Variants in PLD1 observed in about 807,000 individuals in gnomAD.
The protein encoded by PLD1 is choline phosphatase 1.
PLD1 carries 112 observed loss-of-function variants against 137.1 expected under a neutral mutation model. That is an observed-to-expected ratio of 0.82 (90% CI 0.70 to 0.96). The LOEUF (loss-of-function observed/expected upper bound fraction) is 0.96, where lower values mean the gene tolerates loss of function less well. PLD1 is among the 40% of genes least tolerant of loss of function. The pLI, the probability that PLD1 is intolerant of heterozygous loss-of-function variation, is 0.00. For missense variants in PLD1, 1,321 were observed against 1,342.0 expected (o/e 0.98, Z 0.24); for synonymous variants, 431 against 454.7 (o/e 0.95, Z 0.66).
intron 23 of PLD1, among the ~76,000 whole-genome samples, chr3:171,634,817 T>A (rs1475152459): frequency 6.6e-6 from 1 of 152,122 alleles, no homozygotes; most frequent in Non-Finnish European, 1.5e-5. Flanking sequence ...AGTGTACAAA[T>A]CAGTATGTTT....
At chr3:171,608,828 T>C (rs192501352) in intron 25 of PLD1, among the ~76,000 whole-genome samples, 1 of 152,112 alleles carries the variant, frequency 6.6e-6, no homozygotes, top group Admixed American at 6.6e-5. Flanking sequence ...AAATGTTTAA[T>C]CTTAGGCTGA....
intron 19 of PLD1, among the ~76,000 whole-genome samples, chr3:171,666,775 T>C (rs767243096): frequency 2.6e-5 from 4 of 152,208 alleles, no homozygotes; most frequent in Non-Finnish European, 5.9e-5. Context: ...TCTATACTTT[T>C]CAAACCACGA....
rs144064670 is a variant in PLD1 at position 171,800,790 on chromosome 3, G to A, written c.-32+9609C>T. Among the ~76,000 whole-genome samples the A allele has an allele frequency of 4.5e-4, 69 of 152,286 alleles. 2 individuals carry two copies. In the East Asian group the frequency reaches 0.013, roughly 28 times the overall value. ...CAGATTTGGTGTCTGGTGAAGGCCTGCTTCCCCAGAGGCTGCCTTTTCACT... is the reference window on the plus strand; with the variant it reads ...CAGATTTGGTGTCTGGTGAAGGCCTACTTCCCCAGAGGCTGCCTTTTCACT... On this transcript the variant is annotated intron_variant, in intron 1 of 26. Coordinates refer to ENST00000351298, the MANE Select transcript of PLD1 (RefSeq NM_002662.5).
chr3:171,749,783 A>G (rs114726643), intron 1 of PLD1, among the ~76,000 whole-genome samples: 1,922 of 152,322 alleles, frequency 0.013, 48 homozygotes, highest in African/African-American at 0.044. Flanking sequence ...GAAAGGAGAG[A>G]GCCACAGAGA....
chr3:171,757,583 G>A (rs571450417), intron 1 of PLD1, among the ~76,000 whole-genome samples: 14 of 152,200 alleles, frequency 9.2e-5, no homozygotes, highest in South Asian at 2.1e-4. Flanking sequence ...ATCACTTTCC[G>A]GATTTCACTT....
chr3:171,631,715 A>G (rs1158962793), intron 23 of PLD1, among the ~76,000 whole-genome samples: 1 of 152,162 alleles, frequency 6.6e-6, no homozygotes, highest in African/African-American at 2.4e-5. Context: ...AATCTGGGCA[A>G]GCTGAACTCC....
intron 14 of PLD1, among the ~76,000 whole-genome samples, chr3:171,687,913 T>A (rs886556265): frequency 7.2e-5 from 11 of 152,216 alleles, no homozygotes; most frequent in Non-Finnish European, 1.3e-4. Flanking sequence ...TAATAAACAT[T>A]AAGTAAGCAA....
At position 171,612,220 on chromosome 3, in the gene PLD1, G is replaced by C; in HGVS notation, c.2882+59C>G. 1 of 1,538,520 alleles carries C rather than the reference G, an allele frequency of 6.5e-7. No individual in the cohort carries two copies. The highest frequency in any genetic ancestry group is 1.7e-5 in the Admixed American group (1 of 59,094). ...CCATGTGCTCAGGGCTAGCGGGGCTGGGTCCCAGCGACTGCTGCAGTGGAA... is the reference window on the plus strand; with the variant it reads ...CCATGTGCTCAGGGCTAGCGGGGCTCGGTCCCAGCGACTGCTGCAGTGGAA... On this transcript the variant is annotated intron_variant, in intron 25 of 26. Transcript: ENST00000351298. This position sits in a 1 kb window ranked among gnomAD's most constrained non-coding sequence, Gnocchi z 4.1.
intron 6 of PLD1, among the ~76,000 whole-genome samples, chr3:171,727,155 A>C (rs1718580898): frequency 6.6e-6 from 1 of 152,216 alleles, no homozygotes; most frequent in South Asian, 2.1e-4. Context: ...AGTTCACAGA[A>C]CATACAAAAA....
At chr3:171,807,460 C>A (rs965681871) in intron 1 of PLD1, among the ~76,000 whole-genome samples, 6 of 152,056 alleles carry the variant, frequency 3.9e-5, no homozygotes, top group African/African-American at 1.5e-4. Flanking sequence ...GTGACGGTAG[C>A]ACAACGATGT....
rs531177343 is a variant in PLD1, at chr3:171,619,626, T to A, written c.2728+760A>T. ...GCATAGAGGCAGCAATATTTTACCA[T>A]CCTTCTGATTTCGACTTTTGTACAA... On this transcript the variant is annotated intron_variant, in intron 24 of 26. Coordinates refer to ENST00000351298, the MANE Select transcript of PLD1 (RefSeq NM_002662.5). Among the ~76,000 whole-genome samples the A allele has an allele frequency of 9.5e-4, 144 of 152,316 alleles. 1 individual carries two copies. The highest frequency in any genetic ancestry group is 2.7e-3 in the South Asian group (13 of 4,828).
chr3:171,809,648 A>G (rs1313918306), intron 1 of PLD1: 1 of 152,254 alleles, frequency 6.6e-6, no homozygotes, highest in Non-Finnish European at 1.5e-5. Flanking sequence ...GATGAGGAGG[A>G]GCAAATACAG....
intron 12 of PLD1, among the ~76,000 whole-genome samples, chr3:171,693,239 T>C (rs1715375388): frequency 6.6e-6 from 1 of 152,240 alleles, no homozygotes; most frequent in African/African-American, 2.4e-5. Flanking sequence ...AGCATGATGA[T>C]TGTGTGTTCA....
At chr3:171,724,197 A>C (rs543919815) in intron 8 of PLD1, among the ~76,000 whole-genome samples, 5 of 152,210 alleles carry the variant, frequency 3.3e-5, no homozygotes, top group African/African-American at 4.8e-5. Flanking sequence ...TAACAGTTTA[A>C]AGAACTGCCA....
At chr3:171,676,639 G>T in intron 18 of PLD1, 76 bp downstream of exon 18, 2 of 1,091,446 alleles carry the variant, frequency 1.8e-6, no homozygotes, top group Non-Finnish European at 2.8e-6. Context: ...CTTGCTACCA[G>T]CCTCCTCTAA....
At chr3:171,644,030 G>A (rs1170502989) in intron 22 of PLD1, among the ~76,000 whole-genome samples, 1 of 152,090 alleles carries the variant, frequency 6.6e-6, no homozygotes, top group Non-Finnish European at 1.5e-5. Flanking sequence ...GCCCAAGCAG[G>A]AGGGCATCTA....
chr3:171,774,167 G>A (rs1466936392), intron 1 of PLD1, among the ~76,000 whole-genome samples: 1 of 152,212 alleles, frequency 6.6e-6, no homozygotes, highest in Non-Finnish European at 1.5e-5. Flanking sequence ...TCCTAGCCAT[G>A]TACTTTAAAA....
intron 23 of PLD1, among the ~76,000 whole-genome samples, chr3:171,629,641 C>G (rs1399884898): frequency 2.6e-5 from 4 of 151,864 alleles, no homozygotes; most frequent in Non-Finnish European, 5.9e-5. Context: ...ACCAAAACAG[C>G]ATGGTACTGG....
At chr3:171,727,653 G>A (rs1718632024) in intron 6 of PLD1, among the ~76,000 whole-genome samples, 1 of 152,114 alleles carries the variant, frequency 6.6e-6, no homozygotes, top group African/African-American at 2.4e-5. Flanking sequence ...AACCACACTA[G>A]ATACATGTGA....
Sources: allele counts gnomAD v4.1 joint callset (sites outside exome capture counted in the v4.1 genomes callset), GRCh38; gene constraint gnomAD v4.1.1; non-coding constraint Gnocchi (gnomAD v3.1); transcripts MANE v1.5; gene names NCBI Gene and HGNC (gene_info 2026-07-23, HGNC 2026-07-21).